Variants in SPOCK3 observed in about 807,000 individuals in gnomAD.
The protein encoded by SPOCK3 is testican-3.
Under a neutral mutation model 56.6 loss-of-function variants are expected in SPOCK3, and 30 were observed. The observed-to-expected ratio is 0.53, with a 90% CI of 0.40 to 0.72. The LOEUF (loss-of-function observed/expected upper bound fraction) is 0.72, where lower values mean the gene tolerates loss of function less well. Ranked by LOEUF, SPOCK3 falls within the 30% of genes least tolerant of loss-of-function variation. The probability of loss-of-function intolerance (pLI) is 0.00; values close to 1 mark genes in which losing one functional copy is unlikely to be tolerated. For missense variants in SPOCK3, 527 were observed against 530.0 expected, an observed-to-expected ratio of 0.99 and a Z score of 0.06; for synonymous variants, 196 against 183.3, an observed-to-expected ratio of 1.07 and a Z score of -0.56.
At chr4:167,139,471 T>C (rs1283746837) in intron 2 of SPOCK3, among the ~76,000 whole-genome samples, 3 of 152,048 alleles carry the variant, frequency 2.0e-5, no homozygotes, top group African/African-American at 7.2e-5. Flanking sequence ...ATTGCCAATC[T>C]GAATGTTATG....
rs754285461 is a variant in SPOCK3 at position 167,234,165 on chromosome 4, C to A, written c.9G>T (p.Lys3Asn). ...CACACACACACAGTACGGCTGACAC[C>A]TTGAGCATCTGGGAGAGGAGACACA... The part of the protein sequence containing the change: ML[K>N]VSAVLCVCAA... Residue 3 changes from lysine to asparagine, a missense_variant, in exon 2 of 11, where the codon AAG becomes AAT. Coordinates refer to ENST00000357545, the MANE Select transcript of SPOCK3 (RefSeq NM_001040159.2). The A allele has an allele frequency of 3.1e-6, 5 of 1,608,380 alleles. No homozygotes were observed. In the African/African-American group the frequency reaches 5.4e-5, roughly 17 times the overall value.
In SPOCK3 at chr4:167,230,954, A is replaced by T. The variant is rs183408913; in HGVS notation, c.189+3031T>A. ...GCAAGCTTGTTTCTCCTGTGTTAAT[A>T]CCTATTCACTGTAAGCTTGTCTTTG... On this transcript the variant is annotated intron_variant, in intron 2 of 10. Transcript: ENST00000357545. Among the ~76,000 whole-genome samples, 285 of 152,196 alleles carry T rather than the reference A, an allele frequency of 1.9e-3. 4 individuals are homozygous for T. The highest frequency in any genetic ancestry group is 0.01 in the Middle Eastern group (3 of 294).
At chr4:166,746,142 A>G (rs11729696) in intron 8 of SPOCK3, among the ~76,000 whole-genome samples, 69,641 of 151,872 alleles carry the variant, frequency 0.46, 16,465 homozygotes, top group African/African-American at 0.51. Flanking sequence ...CAGACTTAAT[A>G]GACATCTACA....
At chr4:166,876,578 C>T (rs1733109644) in intron 6 of SPOCK3, among the ~76,000 whole-genome samples, 1 of 151,970 alleles carries the variant, frequency 6.6e-6, no homozygotes, top group African/African-American at 2.4e-5. Flanking sequence ...TCTTGGCATT[C>T]TAGTTTTATT....
intron 3 of SPOCK3, among the ~76,000 whole-genome samples, chr4:167,055,909 C>A (rs1754776103): frequency 6.6e-6 from 1 of 152,214 alleles, no homozygotes; most frequent in African/African-American, 2.4e-5. Context: ...CTAACCTCTG[C>A]AGACTTAAAT....
intron 6 of SPOCK3, 119 bp downstream of exon 6, chr4:166,889,011 T>G: frequency 1.5e-6 from 1 of 661,116 alleles, no homozygotes; most frequent in Middle Eastern, 3.4e-4. Context: ...AAAATATAAA[T>G]GATATTGGGT....
chr4:166,805,747 G>T (rs535524195), intron 6 of SPOCK3, among the ~76,000 whole-genome samples: 1 of 151,952 alleles, frequency 6.6e-6, no homozygotes, highest in South Asian at 2.1e-4. Context: ...TCAAAGGTTG[G>T]TACACTTGGC....
At position 167,018,378 on chromosome 4, in the gene SPOCK3, C is replaced by G. The variant is rs113827530; in HGVS notation, c.236-17915G>C. On this transcript the variant is annotated intron_variant, in intron 3 of 10. Transcript: ENST00000357545. ...GTCTCCATATTCCATTCACTCTCCA[C>G]CTGGGGTCCTACTTTAGTTTTGGAA... Among the ~76,000 whole-genome samples the G allele has an allele frequency of 1.1e-3, 162 of 152,196 alleles. No individual in the cohort carries two copies. The East Asian group carries it at 0.014, about 13-fold the overall frequency.
intron 4 of SPOCK3, chr4:166,918,448 A>C (rs1038584527): frequency 2.6e-5 from 4 of 152,162 alleles, no homozygotes; most frequent in African/African-American, 9.7e-5. Context: ...CTAGATCAGA[A>C]GAGGTCAGAT....
Position 167,162,720 on chromosome 4 carries a change from C to T in SPOCK3, c.189+71265G>A, listed in dbSNP as rs147650158. ...CCTCCACTGCATAATTCTGCCTCCC[C>T]TATCATGGCAAATGTTCAGCAAATG... On this transcript the variant is annotated intron_variant, in intron 2 of 10. Coordinates refer to ENST00000357545, the MANE Select transcript of SPOCK3 (RefSeq NM_001040159.2). Among the ~76,000 whole-genome samples the T allele has an allele frequency of 9.0e-4, 137 of 152,152 alleles. 5 individuals carry two copies. In the South Asian group the frequency reaches 0.027, roughly 30 times the overall value.
intron 4 of SPOCK3, among the ~76,000 whole-genome samples, chr4:166,982,446 G>T (rs1006081536): frequency 7.2e-5 from 11 of 152,142 alleles, no homozygotes; most frequent in African/African-American, 2.7e-4. Context: ...CAGCTACTTG[G>T]GAGGCTGAAG....
intron 2 of SPOCK3, among the ~76,000 whole-genome samples, chr4:167,157,537 A>G (rs1270396179): frequency 6.6e-6 from 1 of 151,942 alleles, no homozygotes; most frequent in Non-Finnish European, 1.5e-5. Flanking sequence ...TCTGACATTA[A>G]AAACATCTGG....
chr4:166,977,412 T>G (rs1309613706), intron 4 of SPOCK3, among the ~76,000 whole-genome samples: 2 of 115,772 alleles, frequency 1.7e-5, no homozygotes, highest in Non-Finnish European at 3.9e-5. Context: ...AAAATATTCA[T>G]TATGATAATT....
At chr4:167,044,431 A>G (rs1049781667) in intron 3 of SPOCK3, among the ~76,000 whole-genome samples, 1 of 17,928 alleles carries the variant, frequency 5.6e-5, no homozygotes, top group Non-Finnish European at 1.0e-4. Context: ...AATTTAATTG[A>G]TTTTTACTCT....
intron 2 of SPOCK3, among the ~76,000 whole-genome samples, chr4:167,116,077 G>A (rs1414444853): frequency 6.6e-6 from 1 of 151,740 alleles, no homozygotes; most frequent in Non-Finnish European, 1.5e-5. Flanking sequence ...AAATATTAAG[G>A]CTTTAATAAC....
intron 7 of SPOCK3, among the ~76,000 whole-genome samples, chr4:166,789,643 G>C (rs1741122173): frequency 6.6e-6 from 1 of 152,094 alleles, no homozygotes; most frequent in African/African-American, 2.4e-5. Flanking sequence ...TATCAGATAA[G>C]TTGAAAACTG....
At chr4:166,952,031 G>T (rs1333848679) in intron 4 of SPOCK3, among the ~76,000 whole-genome samples, 1 of 152,172 alleles carries the variant, frequency 6.6e-6, no homozygotes, top group African/African-American at 2.4e-5. Flanking sequence ...ACAAGACAGG[G>T]ATGCCTTCTC....
intron 2 of SPOCK3, among the ~76,000 whole-genome samples, chr4:167,164,532 T>C (rs1429312331): frequency 6.6e-6 from 1 of 152,082 alleles, no homozygotes; most frequent in African/African-American, 2.4e-5. Context: ...TATCAACCTG[T>C]CATCTAGGTT....
chr4:167,051,507 G>C (rs1561161464), intron 3 of SPOCK3, among the ~76,000 whole-genome samples: 1 of 152,138 alleles, frequency 6.6e-6, no homozygotes, highest in Admixed American at 6.6e-5. Context: ...GAAGGACATG[G>C]GCAGACAATC....
Sources: gnomAD v4.1 joint callset for allele counts (sites outside exome capture counted in the v4.1 genomes callset) on GRCh38, gnomAD v4.1.1 for gene constraint, MANE v1.5 for transcripts, NCBI Gene and HGNC (gene_info 2026-07-23, HGNC 2026-07-21) for gene names.